GABRA3: variants seen among roughly 807,000 people sequenced by gnomAD.
GABRA3 encodes gamma-aminobutyric acid receptor subunit alpha-3.
In GABRA3, 10 loss-of-function variants were observed where a neutral mutation model predicts 30.1. The ratio of observed to expected loss-of-function variants is 0.33; its 90% CI spans 0.20 to 0.56. The LOEUF (loss-of-function observed/expected upper bound fraction) is 0.56, where lower values mean the gene tolerates loss of function less well. GABRA3 is among the 20% of genes least tolerant of loss of function. The pLI is 0.89. For missense variants in GABRA3, 233 were observed against 392.0 expected (o/e 0.59, Z 3.42); for synonymous variants, 151 against 146.8 (o/e 1.03, Z -0.21).
chrX:152,275,457 T>A (rs1939061612), intron 4 of GABRA3, among the ~76,000 whole-genome samples: 1 of 105,713 alleles, frequency 9.5e-6, no homozygotes, highest in East Asian at 2.8e-4. Flanking sequence ...ATATTTATTT[T>A]AAATATCAAA....
intron 8 of GABRA3, 39 bp from the exon 9 acceptor site, chrX:152,189,980 G>A: frequency 3.1e-6 from 3 of 962,748 alleles, no homozygotes; most frequent in South Asian, 4.4e-5. Flanking sequence ...GCAACTGGAA[G>A]ACATTGAGAG....
Position 152,345,407 on chromosome X carries a change from C to T in GABRA3, c.262+174G>A, listed in dbSNP as rs1940375636. ...TCTTCTGAAGCCAGACCAGAGAAAT[C>T]ACCTACTGAAATGAAGGATTATGAC... On this transcript the variant is annotated intron_variant, in intron 3 of 9. Coordinates refer to ENST00000370314, the MANE Select transcript of GABRA3 (RefSeq NM_000808.4). Among the ~76,000 whole-genome samples, 3 of 111,783 alleles carry T rather than the reference C, an allele frequency of 2.7e-5. No homozygotes were observed. The South Asian group carries it at 1.1e-3, about 41-fold the overall frequency.
intron 9 of GABRA3, among the ~76,000 whole-genome samples, chrX:152,183,188 C>T (rs1333711013): frequency 9.1e-6 from 1 of 109,824 alleles, no homozygotes; most frequent in Non-Finnish European, 1.9e-5. Context: ...ACATCAGGTC[C>T]TGGGCTTTTC....
chrX:152,364,665 G>A, intron 1 of GABRA3, 69 bp from the exon 2 acceptor site: 3 of 825,768 alleles, frequency 3.6e-6, no homozygotes, highest in Non-Finnish European at 5.1e-6. Flanking sequence ...AGAGGAGAAA[G>A]AGGTAAAAAA....
intron 1 of GABRA3, among the ~76,000 whole-genome samples, chrX:152,420,390 C>A (rs1426240060): frequency 9.0e-6 from 1 of 111,205 alleles, no homozygotes; most frequent in East Asian, 2.8e-4. Context: ...TAAATGGATT[C>A]ATCAGTAACT....
intron 1 of GABRA3, among the ~76,000 whole-genome samples, chrX:152,443,388 C>A (rs921910283): frequency 8.9e-6 from 1 of 112,053 alleles, no homozygotes; most frequent in Non-Finnish European, 1.9e-5. Flanking sequence ...CAATCTTATA[C>A]AGTAGAGTGG....
At chrX:152,210,573 A>G (rs1937621209) in intron 6 of GABRA3, among the ~76,000 whole-genome samples, 1 of 112,473 alleles carries the variant, frequency 8.9e-6, no homozygotes. Context: ...GAAGCCATGT[A>G]GGATTTGAGC....
At chrX:152,358,315 C>A (rs1387451697) in intron 2 of GABRA3, among the ~76,000 whole-genome samples, 1 of 111,152 alleles carries the variant, frequency 9.0e-6, no homozygotes, top group Non-Finnish European at 1.9e-5. Flanking sequence ...TTATGGCTAT[C>A]GTGAATGGGA....
chrX:152,378,083 G>C (rs1352159738), intron 1 of GABRA3, among the ~76,000 whole-genome samples: 2 of 112,269 alleles, frequency 1.8e-5, no homozygotes, highest in Non-Finnish European at 3.8e-5. Flanking sequence ...TAAAGTACCT[G>C]CAAACTCTGC....
chrX:152,409,189 C>T (rs1930007899), intron 1 of GABRA3, among the ~76,000 whole-genome samples: 1 of 110,468 alleles, frequency 9.1e-6, no homozygotes, highest in African/African-American at 3.3e-5. Context: ...CCAATCTCTA[C>T]AAAAAATAAT....
chrX:152,349,432 C>A (rs1306531075), intron 2 of GABRA3, among the ~76,000 whole-genome samples: 2 of 108,281 alleles, frequency 1.8e-5, no homozygotes, highest in Non-Finnish European at 3.8e-5. Flanking sequence ...ATCATAATGA[C>A]AGGATCAAAT....
intron 1 of GABRA3, among the ~76,000 whole-genome samples, chrX:152,395,492 T>C (rs1234459987): frequency 9.0e-6 from 1 of 111,396 alleles, no homozygotes; most frequent in African/African-American, 3.3e-5. Flanking sequence ...TGGTATCCAT[T>C]CAGACGCATG....
chrX:152,235,142 T>C (rs1165301815), intron 5 of GABRA3, among the ~76,000 whole-genome samples: 1 of 111,896 alleles, frequency 8.9e-6, no homozygotes, highest in Non-Finnish European at 1.9e-5. Context: ...ATTTACTACT[T>C]TCATCGGTGT....
intron 6 of GABRA3, among the ~76,000 whole-genome samples, chrX:152,220,933 T>G (rs1433587668): frequency 4.5e-5 from 5 of 110,241 alleles, no homozygotes; most frequent in African/African-American, 1.3e-4. Context: ...ATTAAAGACT[T>G]TGGCCTTTTT....
At chrX:152,289,381 A>G (rs1939355520) in intron 3 of GABRA3, among the ~76,000 whole-genome samples, 1 of 109,657 alleles carries the variant, frequency 9.1e-6, no homozygotes, top group African/African-American at 3.3e-5. Context: ...AGCTTCAGAG[A>G]TTTAAAGAAA....
chrX:152,295,631 TC>T (rs1271202013), intron 3 of GABRA3, among the ~76,000 whole-genome samples: 1 of 112,569 alleles, frequency 8.9e-6, no homozygotes, highest in East Asian at 2.8e-4. Context: ...GAAGGGGAAA[TC>T]CCTTGACCCC....
Position 152,364,549 on chromosome X carries a change from G to A in GABRA3, c.22C>T (p.His8Tyr). 8.3e-7 allele frequency: 1 copy of A among 1,207,249 alleles called. No individual in the cohort carries two copies. Among genetic ancestry groups the A allele is most frequent in the Non-Finnish European group, 1.1e-6 (1 of 893,075 alleles). Reference protein sequence around the residue: MIITQTSHCYMTSLGILF... With the variant: MIITQTSYCYMTSLGILF... ...ATCCCAAGGCTGGTCATGTAACAGT[G>A]ACTTGTTTGTGTGATTATCATCTTC... The change falls in exon 2 of 10, where the codon CAC (histidine) becomes TAC (tyrosine). Residue 8 changes from histidine (H) to tyrosine (Y), a missense_variant. Physicochemically the swap from His to Tyr is moderately conservative, Grantham distance 83. Around this residue, in one of 6 missense-constraint regions of GABRA3, gnomAD observed 69 missense variants for 79.4 expected, o/e 0.87. Coordinates refer to ENST00000370314, the MANE Select transcript of GABRA3 (RefSeq NM_000808.4).
At chrX:152,239,875 A>T (rs2124400061) in intron 5 of GABRA3, among the ~76,000 whole-genome samples, 1 of 101,485 alleles carries the variant, frequency 9.9e-6, no homozygotes, top group African/African-American at 4.1e-5. Context: ...TTTTATTTTG[A>T]GCCTATGTGT....
intron 3 of GABRA3, among the ~76,000 whole-genome samples, chrX:152,321,228 G>A (rs189716188): frequency 9.0e-6 from 1 of 111,675 alleles, no homozygotes; most frequent in Non-Finnish European, 1.9e-5. Context: ...ATAGGTTAAA[G>A]CAATGATTCC....
Sources: allele counts gnomAD v4.1 joint callset (sites outside exome capture counted in the v4.1 genomes callset), GRCh38; gene constraint gnomAD v4.1.1; regional missense constraint gnomAD v4.1.1; transcripts MANE v1.5; gene names NCBI Gene and HGNC (gene_info 2026-07-23, HGNC 2026-07-21).